STK17A: variants seen among roughly 807,000 people sequenced by gnomAD.
STK17A encodes serine/threonine kinase 17a.
STK17A carries 26 observed loss-of-function variants against 43.7 expected under a neutral mutation model. The ratio of observed to expected loss-of-function variants is 0.60; its 90% CI spans 0.44 to 0.83. The LOEUF is 0.83. STK17A is among the 40% of genes least tolerant of loss of function. STK17A has a pLI of 0.00. For missense variants in STK17A, 476 were observed against 511.6 expected (o/e 0.93, Z 0.67); for synonymous variants, 191 against 182.5 (o/e 1.05, Z -0.38).
chr7:43,621,078 A>C (rs565206605), intron 4 of STK17A, among the ~76,000 whole-genome samples: 3 of 152,332 alleles, frequency 2.0e-5, no homozygotes, highest in East Asian at 3.9e-4. Context: ...GGAGCACAGA[A>C]AGACTCAGGA....
chr7:43,587,155 T>G lies in STK17A; in HGVS notation c.206+3706T>G, dbSNP rs1022258465. 9.7e-4 allele frequency among the ~76,000 whole-genome samples: 53 copies of G among 54,910 alleles called. 2 individuals carry two copies. The highest frequency in any genetic ancestry group is 3.3e-3 in the Admixed American group (17 of 5,180). The allele number at this position is 54,910 out of a possible 152,430, so 36.0% of individuals were successfully genotyped here. ...AATGATATGTTTTTATTGTTTTTTG[T>G]TTTTTTTTTTTTTTTTTGAGATGGA... On this transcript the variant is annotated intron_variant, in intron 1 of 6. Coordinates refer to ENST00000319357, the MANE Select transcript of STK17A (RefSeq NM_004760.3).
intron 1 of STK17A, among the ~76,000 whole-genome samples, chr7:43,591,138 A>G (rs1218940245): frequency 6.6e-6 from 1 of 151,550 alleles, no homozygotes; most frequent in African/African-American, 2.4e-5. Context: ...TGTCAGTTTC[A>G]GTGGTATGTG....
At chr7:43,623,930 T>C in intron 6 of STK17A, 42 bp downstream of exon 6, 1 of 1,293,030 alleles carries the variant, frequency 7.7e-7, no homozygotes, top group Non-Finnish European at 9.9e-7. Context: ...ACTAATTCAA[T>C]ATTAAAAAAT....
chr7:43,616,708 T>A (rs969386777), intron 3 of STK17A, among the ~76,000 whole-genome samples: 2 of 152,120 alleles, frequency 1.3e-5, no homozygotes, highest in Non-Finnish European at 2.9e-5. Flanking sequence ...CCATCCTGGC[T>A]AACACGGTGA....
intron 3 of STK17A, among the ~76,000 whole-genome samples, chr7:43,612,459 G>A (rs568127586): frequency 7.2e-5 from 11 of 152,320 alleles, no homozygotes; most frequent in Admixed American, 3.9e-4. Context: ...CTCTAGAAGC[G>A]TTTGAAAGAC....
chr7:43,611,791 A>G (rs1401867744), intron 3 of STK17A, among the ~76,000 whole-genome samples: 1 of 152,160 alleles, frequency 6.6e-6, no homozygotes, highest in Admixed American at 6.5e-5. Flanking sequence ...TTATTTTTTA[A>G]TGATGTTTTA....
intron 3 of STK17A, among the ~76,000 whole-genome samples, chr7:43,617,072 C>G (rs2152997962): frequency 6.6e-6 from 1 of 152,320 alleles, no homozygotes; most frequent in Admixed American, 6.5e-5. Flanking sequence ...TATACAAATT[C>G]ACTCTTGTGA....
intron 2 of STK17A, among the ~76,000 whole-genome samples, chr7:43,602,990 A>G (rs1003999206): frequency 2.6e-5 from 4 of 152,292 alleles, no homozygotes; most frequent in Admixed American, 2.0e-4. Flanking sequence ...TGCTCAAGCT[A>G]GAAACCTCGA....
chr7:43,610,755 T>C (rs1382803325), intron 3 of STK17A, among the ~76,000 whole-genome samples: 1 of 152,116 alleles, frequency 6.6e-6, no homozygotes, highest in African/African-American at 2.4e-5. Context: ...TATAAATTCA[T>C]ATATGTATAT....
intron 2 of STK17A, among the ~76,000 whole-genome samples, chr7:43,597,935 A>G (rs1021909855): frequency 4.6e-5 from 7 of 152,066 alleles, no homozygotes; most frequent in Admixed American, 4.6e-4. Flanking sequence ...AAAAAACAAA[A>G]AAAATTTATT....
At chr7:43,597,276 C>T (rs1286182288) in intron 2 of STK17A, among the ~76,000 whole-genome samples, 1 of 151,900 alleles carries the variant, frequency 6.6e-6, no homozygotes, top group Admixed American at 6.6e-5. Flanking sequence ...AAATCACAAT[C>T]CCAAAAGATC....
At chr7:43,583,885 T>TACAGCATCCGTTGTG (rs1033409300) in intron 1 of STK17A, among the ~76,000 whole-genome samples, 1 of 152,192 alleles carries the variant, frequency 6.6e-6, no homozygotes, top group African/African-American at 2.4e-5. Context: ...TTTAATAAAA[T>TACAGCATCCGTTGTG]ACAGCATCCG....
At chr7:43,587,148 T>C (rs182698318) in intron 1 of STK17A, among the ~76,000 whole-genome samples, 5 of 106,370 alleles carry the variant, frequency 4.7e-5, no homozygotes, top group African/African-American at 1.5e-4. Context: ...GTTTTTATTG[T>C]TTTTTGTTTT....
Position 43,627,212 on chromosome 7 carries a change from T to C in STK17A, c.*2370T>C, listed in dbSNP as rs984473085. Among the ~76,000 whole-genome samples, 1 of 152,212 alleles carries C rather than the reference T, an allele frequency of 6.6e-6. No individual in the cohort carries two copies. The highest frequency in any genetic ancestry group is 2.4e-5 in the African/African-American group (1 of 41,446). ...AGTTTTAATCAACTGGGAAATGATA[T>C]TTGATTGATCTTGTGTTTTGTTGTT... On this transcript the variant is annotated 3_prime_UTR_variant, in exon 7 of 7. Transcript: ENST00000319357.
At position 43,609,792 on chromosome 7, in the gene STK17A, AC is replaced by A. The variant is rs1182964849; in HGVS notation, c.564+1397del. On this transcript the variant is annotated intron_variant, in intron 3 of 6. Coordinates refer to ENST00000319357, the MANE Select transcript of STK17A (RefSeq NM_004760.3). The stretch of plus-strand genomic sequence containing the variant: ...CTGAGAAGGCCGAAGCCTCTGGACC[AC>A]CCCCAAAAAACTTTCCCATCCTGAA... Among the ~76,000 whole-genome samples, 2 of 152,160 alleles carry A rather than the reference AC, an allele frequency of 1.3e-5. 1 individual carries two copies. The highest frequency in any genetic ancestry group is 4.1e-4 in the South Asian group (2 of 4,826).
At chr7:43,589,833 T>C (rs2082466787) in intron 1 of STK17A, among the ~76,000 whole-genome samples, 1 of 151,432 alleles carries the variant, frequency 6.6e-6, no homozygotes, top group South Asian at 2.1e-4. Flanking sequence ...CCTCTCTGTT[T>C]CTAGTTATCA....
chr7:43,595,815 C>A, intron 1 of STK17A, 86 bp from the exon 2 acceptor site: 1 of 1,270,326 alleles, frequency 7.9e-7, no homozygotes. Flanking sequence ...TGAATATCTA[C>A]CAATGGGTAT....
chr7:43,614,008 A>G (rs2083112793), intron 3 of STK17A, among the ~76,000 whole-genome samples: 1 of 152,176 alleles, frequency 6.6e-6, no homozygotes, highest in Non-Finnish European at 1.5e-5. Context: ...TTTAGATGGG[A>G]TTATTAACCT....
intron 1 of STK17A, among the ~76,000 whole-genome samples, chr7:43,583,792 C>G (rs1318862866): frequency 6.6e-6 from 1 of 152,188 alleles, no homozygotes; most frequent in Non-Finnish European, 1.5e-5. Flanking sequence ...CCCCGAGCAG[C>G]GGGTCTGAAA....
Sources: gnomAD v4.1 joint callset for allele counts (sites outside exome capture counted in the v4.1 genomes callset) on GRCh38, gnomAD v4.1.1 for gene constraint, MANE v1.5 for transcripts, NCBI Gene and HGNC (gene_info 2026-07-23, HGNC 2026-07-21) for gene names.